BPI: variants seen among roughly 807,000 people sequenced by gnomAD.
The protein encoded by BPI is bactericidal permeability increasing protein, also known as bactericidal permeability-increasing protein.
In BPI, 48 loss-of-function variants were observed where a neutral mutation model predicts 57.6. The observed-to-expected ratio is 0.83, with a 90% confidence interval of 0.66 to 1.06. The LOEUF (loss-of-function observed/expected upper bound fraction) is 1.06, where lower values mean the gene tolerates loss of function less well. Ranked by LOEUF, BPI falls within the 50% of genes least tolerant of loss-of-function variation. The pLI is 0.00. For missense variants in BPI, 651 were observed against 609.7 expected, an observed-to-expected ratio of 1.07 and a Z score of -0.71; for synonymous variants, 237 against 238.2, an observed-to-expected ratio of 0.99 and a Z score of 0.05.
At chr20:38,335,550 C>A in intron 13 of BPI, 48 bp from the exon 14 acceptor site, 2 of 1,552,294 alleles carry the variant, frequency 1.3e-6, no homozygotes, top group Non-Finnish European at 1.8e-6. Flanking sequence ...TCCTCCCCTG[C>A]CCTTCTCTTT....
rs5743532 is a variant in BPI, at chr20:38,327,913, G to T, written c.1229+258G>T. Among the ~76,000 whole-genome samples the T allele has an allele frequency of 3.5e-3, 529 of 152,220 alleles. 4 individuals are homozygous for T. The highest frequency in any genetic ancestry group is 0.012 in the African/African-American group (508 of 41,536). On this transcript the variant is annotated intron_variant, in intron 11 of 14. Transcript: ENST00000642449. Reference sequence around the variant, plus strand: ...ATCTCAGCTTACCCATAAATGTCCCGGTTCTAGCAGTGACAGTCCTGTGTT... The same window carrying T: ...ATCTCAGCTTACCCATAAATGTCCCTGTTCTAGCAGTGACAGTCCTGTGTT...
intron 1 of BPI, among the ~76,000 whole-genome samples, chr20:38,305,935 G>A (rs1285651685): frequency 6.6e-5 from 10 of 152,186 alleles, no homozygotes; most frequent in African/African-American, 1.9e-4. Flanking sequence ...TTCAGGTAAT[G>A]TGTCTGCCTT....
At position 38,326,297 on chromosome 20, in the gene BPI, G is replaced by A. The variant is rs751513789; in HGVS notation, c.1026G>A (p.Gln342=). The part of the protein sequence containing the change: ...VAKKFPNMKI[Q]IHVSASTPPH... The stretch of plus-strand genomic sequence containing the variant: ...AGAAGTTTCCCAACATGAAGATACA[G>A]ATCCATGTCTCAGCCTCCACCCCGC... Residue 342 remains glutamine (Q), a synonymous_variant, in exon 10 of 15, where the codon CAG becomes CAA. Coordinates refer to ENST00000642449, the MANE Select transcript of BPI (RefSeq NM_001725.3). The A allele has an allele frequency of 6.8e-6, 11 of 1,613,734 alleles. No individual in the cohort carries two copies. Among genetic ancestry groups the A allele is most frequent in the Admixed American group, 6.7e-5 (4 of 59,962 alleles).
chr20:38,327,695 G>C (rs563914333), intron 11 of BPI, 40 bp downstream of exon 11: 2 of 1,596,264 alleles, frequency 1.3e-6, no homozygotes, highest in African/African-American at 2.7e-5. Context: ...CTGCCCCTCT[G>C]TCCTTGGTGT....
chr20:38,330,014 A>G (rs1306360434), intron 11 of BPI, among the ~76,000 whole-genome samples: 5 of 152,108 alleles, frequency 3.3e-5, no homozygotes, highest in Non-Finnish European at 4.4e-5. Context: ...TGCCTGGCCA[A>G]AACTCTGCTT....
intron 2 of BPI, among the ~76,000 whole-genome samples, chr20:38,308,580 G>T (rs950122186): frequency 2.0e-5 from 3 of 152,192 alleles, no homozygotes; most frequent in Non-Finnish European, 4.4e-5. Flanking sequence ...TCCAGTGAAA[G>T]GGCCTTCTAT....
At chr20:38,317,853 T>C (rs1386253018) in intron 5 of BPI, 1 of 1,485,598 alleles carries the variant, frequency 6.7e-7, no homozygotes, top group Non-Finnish European at 8.9e-7. Context: ...AGGCTAGTGT[T>C]TGTTCCATTG....
At chr20:38,330,990 G>A (rs2076739492) in intron 11 of BPI, 58 bp from the exon 12 acceptor site, 1 of 1,588,118 alleles carries the variant, frequency 6.3e-7, no homozygotes, top group Non-Finnish European at 8.6e-7. Flanking sequence ...TCTAGAGACT[G>A]GGTTCTCATG....
intron 13 of BPI, among the ~76,000 whole-genome samples, chr20:38,335,044 T>G (rs1337488088): frequency 6.6e-6 from 1 of 152,136 alleles, no homozygotes; most frequent in Non-Finnish European, 1.5e-5. Flanking sequence ...ACTTACCAAT[T>G]AATCCAACAA....
chr20:38,304,661 C>G (rs892822181), intron 1 of BPI, among the ~76,000 whole-genome samples: 2 of 152,220 alleles, frequency 1.3e-5, no homozygotes, highest in African/African-American at 4.8e-5. Flanking sequence ...ATAAGCCCTT[C>G]TCTTCTTTCC....
In BPI at chr20:38,324,322, T is replaced by A. The variant is rs572036952; in HGVS notation, c.933+276T>A. Among the ~76,000 whole-genome samples, 4 of 152,336 alleles carry A rather than the reference T, an allele frequency of 2.6e-5. No individual in the cohort carries two copies. In the East Asian group the frequency reaches 5.8e-4, roughly 22 times the overall value. ...TCATGAGGATTCAATGAGATAGTAA[T>A]GCCTGATTAAATGAGATATTAGTCT... is the stretch of plus-strand genomic sequence containing the variant. On this transcript the variant is annotated intron_variant, in intron 8 of 14. Coordinates refer to ENST00000642449, the MANE Select transcript of BPI (RefSeq NM_001725.3).
At chr20:38,307,020 C>A (rs758136718) in intron 1 of BPI, among the ~76,000 whole-genome samples, 1 of 151,832 alleles carries the variant, frequency 6.6e-6, no homozygotes, top group Non-Finnish European at 1.5e-5. Flanking sequence ...CAGATCTCTG[C>A]AAAAATGTTA....
chr20:38,323,697 G>A (rs1450480259), intron 7 of BPI, among the ~76,000 whole-genome samples, 173 bp from the exon 8 acceptor site: 1 of 152,196 alleles, frequency 6.6e-6, no homozygotes, highest in Non-Finnish European at 1.5e-5. Context: ...GGCATGAAAG[G>A]CACTTAGAAA....
At chr20:38,321,637 T>G (rs2076686231) in intron 7 of BPI, 1 of 152,112 alleles carries the variant, frequency 6.6e-6, no homozygotes, top group Non-Finnish European at 1.5e-5. Flanking sequence ...TTGTTTACAG[T>G]TATTTGTTTG....
At chr20:38,337,122 G>A in intron 14 of BPI, 24 bp from the exon 15 acceptor site, 1 of 1,600,784 alleles carries the variant, frequency 6.2e-7, no homozygotes, top group Non-Finnish European at 8.5e-7. Flanking sequence ...TTCAACTGGT[G>A]ACAACATTCT....
chr20:38,309,027 A>T lies in BPI; in HGVS notation c.343A>T (p.Ser115Cys). 6.2e-7 allele frequency: 1 copy of T among 1,614,228 alleles called. No homozygotes were observed. Among genetic ancestry groups the T allele is most frequent in the South Asian group, 1.1e-5 (1 of 91,088 alleles). ...CATCAGCAACGCCAATATCAAGATC[A>T]GCGGGAAATGGAAGGCACAAAAGAG... ...FSISNANIKI[S>C]GKWKAQKRFL... Residue 115 changes from serine to cysteine, a missense_variant, in exon 3 of 15, where the codon AGC (serine) becomes TGC (cysteine). Coordinates refer to ENST00000642449, the MANE Select transcript of BPI (RefSeq NM_001725.3).
At chr20:38,309,148 T>C in intron 3 of BPI, 90 bp downstream of exon 3, 14 of 1,584,354 alleles carry the variant, frequency 8.8e-6, no homozygotes, top group Non-Finnish European at 1.2e-5. Flanking sequence ...TGCCCAATTT[T>C]TGCCTTGCCT....
At chr20:38,337,108 C>T in intron 14 of BPI, 38 bp from the exon 15 acceptor site, 4 of 1,590,408 alleles carry the variant, frequency 2.5e-6, no homozygotes, top group Non-Finnish European at 3.4e-6. Flanking sequence ...ACAAGGGGTG[C>T]ATCTTCAACT....
chr20:38,336,497 C>CCGTCA (rs140234673), intron 14 of BPI, among the ~76,000 whole-genome samples: 1,531 of 152,174 alleles, frequency 0.01, 23 homozygotes, highest in African/African-American at 0.034. Context: ...CGCAGCGAAA[C>CCGTCA]CGTCACCCAG....
Sources: allele counts gnomAD v4.1 joint callset (sites outside exome capture counted in the v4.1 genomes callset), GRCh38; gene constraint gnomAD v4.1.1; transcripts MANE v1.5; gene names NCBI Gene and HGNC (gene_info 2026-07-23, HGNC 2026-07-21).